The following NRXN1 variants were observed in gnomAD, a reference collection of about 807,000 sequenced individuals.
The protein encoded by NRXN1 is neurexin 1.
Under a neutral mutation model 150.9 loss-of-function variants are expected in NRXN1, and 39 were observed. The observed-to-expected ratio is 0.26, with a 90% confidence interval of 0.20 to 0.34. The LOEUF is 0.34. Among genes scored for constraint, NRXN1 ranks in the 10% least tolerant of loss-of-function variants. NRXN1 has a pLI of 1.00. For synonymous variants in NRXN1, 924 were observed against 757.0 expected (o/e 1.22, Z -3.62); for missense variants, 1,815 against 1,949.9 (o/e 0.93, Z 1.30).
intron 5 of NRXN1, among the ~76,000 whole-genome samples, chr2:50,881,277 C>T (rs1679386055): frequency 6.6e-6 from 1 of 151,896 alleles, no homozygotes; most frequent in African/African-American, 2.4e-5. Flanking sequence ...TATTCCCCTT[C>T]TGTCCTTAGA....
Position 50,347,057 on chromosome 2 carries a change from C to T in NRXN1, c.3365-110087G>A, listed in dbSNP as rs2078054275. 2 of 1,377,194 alleles carry T rather than the reference C, an allele frequency of 1.5e-6. No individual in the cohort carries two copies. The highest frequency in any genetic ancestry group is 9.5e-7 in the Non-Finnish European group (1 of 1,050,662). 85.3% of individuals were successfully genotyped at this position (1,377,194 alleles called of 1,614,324 possible). A position where few individuals can be genotyped will look rare whatever the true frequency, so the allele number is the denominator to read the frequency against. On this transcript the variant is annotated intron_variant, in intron 17 of 22. Coordinates refer to ENST00000401669, the MANE Select transcript of NRXN1 (RefSeq NM_001330078.2). The surrounding 1 kb of genome is among the most constrained non-coding windows in gnomAD (Gnocchi z 4.9). Reference sequence around the variant, plus strand: ...GGCGCGGAGTGGGCTGAGGGGCCGGCCGCCTCACCGCGCCAGGGCACCCAT... The same window carrying T: ...GGCGCGGAGTGGGCTGAGGGGCCGGTCGCCTCACCGCGCCAGGGCACCCAT...
At chr2:50,831,529 T>C (rs1671406478) in intron 5 of NRXN1, among the ~76,000 whole-genome samples, 1 of 152,190 alleles carries the variant, frequency 6.6e-6, no homozygotes, top group African/African-American at 2.4e-5. Flanking sequence ...TCTGGTGTTA[T>C]TCTTGCATCT....
At chr2:50,518,656 T>A (rs1328392242) in intron 12 of NRXN1, among the ~76,000 whole-genome samples, 1 of 151,462 alleles carries the variant, frequency 6.6e-6, no homozygotes, top group Non-Finnish European at 1.5e-5. Flanking sequence ...TGCATTTTTT[T>A]AAAATTAAAT....
chr2:50,008,637 T>C (rs1357949303), intron 21 of NRXN1, among the ~76,000 whole-genome samples: 2 of 151,982 alleles, frequency 1.3e-5, no homozygotes, highest in Admixed American at 6.6e-5. Context: ...GATATGCACA[T>C]AGTAATGAAA....
intron 2 of NRXN1, among the ~76,000 whole-genome samples, chr2:50,965,767 A>C (rs1693967863): frequency 6.6e-6 from 1 of 151,600 alleles, no homozygotes; most frequent in African/African-American, 2.4e-5. Flanking sequence ...AATCAAAAGA[A>C]ATAAAGAAAA....
At chr2:50,684,225 G>C (rs961531516) in intron 5 of NRXN1, among the ~76,000 whole-genome samples, 2 of 152,144 alleles carry the variant, frequency 1.3e-5, no homozygotes, top group Non-Finnish European at 2.9e-5. Flanking sequence ...CTTAGAGCCA[G>C]GTGGCTCATG....
At chr2:50,443,782 T>C (rs1411012637) in intron 17 of NRXN1, among the ~76,000 whole-genome samples, 2 of 152,180 alleles carry the variant, frequency 1.3e-5, no homozygotes, top group African/African-American at 4.8e-5. Context: ...ACAATACTTA[T>C]TTGTGTTCAT....
At chr2:50,014,616 A>G (rs1173223946) in intron 21 of NRXN1, among the ~76,000 whole-genome samples, 3 of 152,120 alleles carry the variant, frequency 2.0e-5, no homozygotes, top group African/African-American at 7.2e-5. Flanking sequence ...TTTGTTCTTA[A>G]CACCACGTTT....
chr2:50,499,713 CT>C (rs1197691535), intron 13 of NRXN1, among the ~76,000 whole-genome samples: 31 of 151,744 alleles, frequency 2.0e-4, no homozygotes, highest in Non-Finnish European at 4.3e-4. Flanking sequence ...TTTGGGAGGC[CT>C]AGGGGGGCAG....
chr2:50,723,838 C>T (rs757418301), intron 5 of NRXN1, among the ~76,000 whole-genome samples: 11 of 152,112 alleles, frequency 7.2e-5, no homozygotes, highest in Non-Finnish European at 1.6e-4. Flanking sequence ...ACTGTGTTTT[C>T]GGGTTTGTTT....
intron 17 of NRXN1, among the ~76,000 whole-genome samples, chr2:50,446,374 C>A (rs2086402529): frequency 7.6e-6 from 1 of 131,048 alleles, no homozygotes. Context: ...TCTTTTCACT[C>A]CTTCCTTCCT....
chr2:50,658,317 C>A (rs565027300), intron 5 of NRXN1, among the ~76,000 whole-genome samples: 5 of 151,158 alleles, frequency 3.3e-5, no homozygotes, highest in Non-Finnish European at 5.9e-5. Context: ...CTGCCCAATG[C>A]GACATCAGTG....
intron 17 of NRXN1, among the ~76,000 whole-genome samples, chr2:50,311,690 G>C (rs2075196929): frequency 6.6e-6 from 1 of 152,018 alleles, no homozygotes; most frequent in African/African-American, 2.4e-5. Context: ...AATTATAATA[G>C]TCAATAAAGA....
At chr2:50,477,846 T>C (rs2090114863) in intron 15 of NRXN1, among the ~76,000 whole-genome samples, 1 of 152,152 alleles carries the variant, frequency 6.6e-6, no homozygotes, top group Non-Finnish European at 1.5e-5. Context: ...CTAGAGAAAG[T>C]GCAATTCTAG....
At chr2:50,103,243 T>C (rs1558883805) in intron 18 of NRXN1, among the ~76,000 whole-genome samples, 1 of 152,116 alleles carries the variant, frequency 6.6e-6, no homozygotes, top group Non-Finnish European at 1.5e-5. Context: ...TAATGTAACA[T>C]GTTTAGTTTC....
chr2:50,001,075 G>A (rs1332568331), intron 21 of NRXN1, among the ~76,000 whole-genome samples: 1 of 152,112 alleles, frequency 6.6e-6, no homozygotes, highest in African/African-American at 2.4e-5. Flanking sequence ...GCTTGGCAGT[G>A]CCTTACAAAT....
chr2:50,824,400 C>T (rs1192444036), intron 5 of NRXN1, among the ~76,000 whole-genome samples: 1 of 151,896 alleles, frequency 6.6e-6, no homozygotes, highest in Non-Finnish European at 1.5e-5. Flanking sequence ...GATTATTACA[C>T]CTTGGCTCCT....
intron 2 of NRXN1, among the ~76,000 whole-genome samples, chr2:51,014,057 T>C (rs1668297613): frequency 6.6e-6 from 1 of 152,088 alleles, no homozygotes; most frequent in South Asian, 2.1e-4. Flanking sequence ...ATGAAGTTCT[T>C]GTCCATGCAA....
intron 17 of NRXN1, among the ~76,000 whole-genome samples, chr2:50,361,283 T>G (rs963232351): frequency 6.7e-6 from 1 of 150,342 alleles, no homozygotes; most frequent in Admixed American, 6.6e-5. Context: ...CTGAAGGAGA[T>G]AGAGACACAA....
Sources: allele counts gnomAD v4.1 joint callset (sites outside exome capture counted in the v4.1 genomes callset), GRCh38; gene constraint gnomAD v4.1.1; non-coding constraint Gnocchi (gnomAD v3.1); transcripts MANE v1.5; gene names NCBI Gene and HGNC (gene_info 2026-07-23, HGNC 2026-07-21).